TENM3: variants seen among roughly 807,000 people sequenced by gnomAD.
The protein encoded by TENM3 is teneurin-3.
In TENM3, 63 loss-of-function variants were observed where a neutral mutation model predicts 255.1. That is an observed-to-expected ratio of 0.25 (90% CI 0.20 to 0.30). The LOEUF (loss-of-function observed/expected upper bound fraction) is 0.30, where lower values mean the gene tolerates loss of function less well. TENM3 is among the 10% of genes least tolerant of loss of function. TENM3 has a pLI of 1.00. For missense variants in TENM3, 2,929 were observed against 3,461.1 expected (o/e 0.85, Z 3.86); for synonymous variants, 1,306 against 1,322.3 (o/e 0.99, Z 0.27).
At position 182,754,482 on chromosome 4, in the gene TENM3, G is replaced by A. The variant is rs543878787; in HGVS notation, c.4115G>A (p.Arg1372His). 107 of 1,613,236 alleles carry A rather than the reference G, an allele frequency of 6.6e-5. 2 individuals carry two copies. In the South Asian group the frequency reaches 8.0e-4, roughly 12 times the overall value. The change falls in exon 22 of 28, where the codon CGT becomes CAT. Residue 1372 changes from arginine to histidine, a missense_variant. This residue lies in a region of TENM3 where 1,608 missense variants were observed against 1,884.4 expected (regional missense o/e 0.85). Transcript: ENST00000511685. The surrounding 1 kb of genome is among the most constrained non-coding windows in gnomAD (Gnocchi z 5.1). ...NNVVLQITENRQVRIAAGRPM... is the reference protein window; with the variant it reads ...NNVVLQITENHQVRIAAGRPM... ...GTAGTTTTACAGATCACTGAAAATC[G>A]TCAAGTTCGCATTGCTGCTGGACGG...
the TENM3 span, among the ~76,000 whole-genome samples, chr4:182,014,859 G>A: frequency 6.6e-6 from 1 of 152,078 alleles, no homozygotes; most frequent in African/African-American, 2.4e-5. Context: ...ATTTCCAACC[G>A]ACATGCAGAG....
chr4:182,788,455 T>C (rs896889361), intron 24 of TENM3, among the ~76,000 whole-genome samples: 4 of 152,346 alleles, frequency 2.6e-5, no homozygotes, highest in African/African-American at 9.6e-5. Flanking sequence ...GTCAGATAAG[T>C]ACAATATTCG....
the TENM3 span, among the ~76,000 whole-genome samples, chr4:182,097,538 C>T: frequency 9.2e-5 from 14 of 152,104 alleles, no homozygotes; most frequent in Admixed American, 5.9e-4. Flanking sequence ...GCTACCCTAG[C>T]CTAGTTGATA....
intron 1 of TENM3, among the ~76,000 whole-genome samples, chr4:182,285,997 G>A (rs1417671610): frequency 6.6e-6 from 1 of 152,128 alleles, no homozygotes; most frequent in Non-Finnish European, 1.5e-5. Context: ...GGGCTTTGCT[G>A]GGCGTCCCCA....
the TENM3 span, among the ~76,000 whole-genome samples, chr4:181,719,906 G>A: frequency 6.6e-6 from 1 of 152,116 alleles, no homozygotes; most frequent in Non-Finnish European, 1.5e-5. Context: ...CCTTGGATTC[G>A]TATTTGGTAT....
exon 1 of TENM3, chr4:182,144,727 A>G (rs1222997389): frequency 7.0e-6 from 1 of 142,560 alleles, no homozygotes; most frequent in Non-Finnish European, 1.5e-5. Flanking sequence ...CCGGGGAGCG[A>G]GCCGGCGGCG....
rs546515519 is a variant in TENM3 at position 182,755,188 on chromosome 4, G to C, written c.4821G>C (p.Leu1607Phe). 2.5e-6 allele frequency: 4 copies of C among 1,613,098 alleles called. No homozygotes were observed. The South Asian group carries it at 3.3e-5, about 13-fold the overall frequency. Reference sequence around the variant, plus strand: ...CTGCTCAAGGACTGGAATTAGTTTTGTTTACTTACCATGGCAATAGTGGCC... The same window carrying C: ...CTGCTCAAGGACTGGAATTAGTTTTCTTTACTTACCATGGCAATAGTGGCC... ...SMTAQGLELV[L>F]FTYHGNSGLL... Residue 1607 changes from leucine to phenylalanine, a missense_variant, in exon 22 of 28, where the codon TTG (leucine) becomes TTC (phenylalanine). Coordinates refer to ENST00000511685, the MANE Select transcript of TENM3 (RefSeq NM_001080477.4).
chr4:182,341,722 A>G (rs1409836367), intron 2 of TENM3, among the ~76,000 whole-genome samples: 1 of 152,226 alleles, frequency 6.6e-6, no homozygotes, highest in Non-Finnish European at 1.5e-5. Flanking sequence ...CCAAAGGTAG[A>G]TTTCCTATGC....
At chr4:182,518,002 T>G (rs1251993588) in intron 3 of TENM3, among the ~76,000 whole-genome samples, 1 of 151,932 alleles carries the variant, frequency 6.6e-6, no homozygotes, top group African/African-American at 2.4e-5. Context: ...CACTACTTGA[T>G]GAAGACTCCC....
intron 3 of TENM3, among the ~76,000 whole-genome samples, chr4:182,572,681 T>C (rs993076466): frequency 1.3e-5 from 2 of 152,138 alleles, no homozygotes; most frequent in African/African-American, 4.8e-5. Context: ...AAAAACAAAA[T>C]TGAAGGCAAT....
intron 26 of TENM3, among the ~76,000 whole-genome samples, chr4:182,794,854 C>T (rs927666727): frequency 1.3e-5 from 2 of 152,190 alleles, no homozygotes; most frequent in Admixed American, 1.3e-4. Context: ...AATTCTGAAT[C>T]CTGCTGCTCC....
chr4:182,731,188 A>T, intron 16 of TENM3, 49 bp downstream of exon 16: 2 of 1,569,440 alleles, frequency 1.3e-6, no homozygotes, highest in South Asian at 1.1e-5. Context: ...TCTTCAGATC[A>T]TGTTTTGCCA....
At chr4:182,517,559 A>AT in intron 3 of TENM3, among the ~76,000 whole-genome samples, 1 of 145,548 alleles carries the variant, frequency 6.9e-6, no homozygotes, top group African/African-American at 2.6e-5. Context: ...AATTTTTTGT[A>AT]TTTTTAGTAG....
At chr4:182,250,235 G>A (rs1757925645) in intron 1 of TENM3, among the ~76,000 whole-genome samples, 1 of 151,726 alleles carries the variant, frequency 6.6e-6, no homozygotes, top group Admixed American at 6.6e-5. Context: ...TGTATTTTTA[G>A]TAGAGACGGG....
chr4:181,495,306 C>G, the TENM3 span, among the ~76,000 whole-genome samples: 1 of 152,098 alleles, frequency 6.6e-6, no homozygotes, highest in African/African-American at 2.4e-5. Context: ...AAATCAGCAC[C>G]TCAGGCATCA....
chr4:181,713,478 T>C, the TENM3 span, among the ~76,000 whole-genome samples: 1 of 152,162 alleles, frequency 6.6e-6, no homozygotes, highest in Non-Finnish European at 1.5e-5. Flanking sequence ...ATCTCCTTTG[T>C]TGTGAAGCCT....
At chr4:182,206,245 A>T (rs1754567795) in intron 1 of TENM3, among the ~76,000 whole-genome samples, 1 of 152,160 alleles carries the variant, frequency 6.6e-6, no homozygotes, top group African/African-American at 2.4e-5. Flanking sequence ...CCTCATGCCC[A>T]GGCTATTGAG....
the TENM3 span, among the ~76,000 whole-genome samples, chr4:181,780,458 C>T: frequency 6.6e-6 from 1 of 152,142 alleles, no homozygotes; most frequent in Admixed American, 6.6e-5. Flanking sequence ...CTGTTAATAT[C>T]CTTCACCCAC....
At chr4:181,938,765 G>A in the TENM3 span, among the ~76,000 whole-genome samples, 1 of 152,286 alleles carries the variant, frequency 6.6e-6, no homozygotes, top group Non-Finnish European at 1.5e-5. Context: ...ATTCAGCAGT[G>A]AAATGCCACT....
Sources: gnomAD v4.1 joint callset for allele counts (sites outside exome capture counted in the v4.1 genomes callset) on GRCh38, gnomAD v4.1.1 for gene constraint, gnomAD v4.1.1 regional missense constraint, Gnocchi (gnomAD v3.1) non-coding constraint, MANE v1.5 for transcripts, NCBI Gene and HGNC (gene_info 2026-07-23, HGNC 2026-07-21) for gene names.